The following RYR3 variants were observed in gnomAD, a reference collection of about 807,000 sequenced individuals.
RYR3 encodes the protein brain ryanodine receptor-calcium release channel.
In RYR3, 207 loss-of-function variants were observed where a neutral mutation model predicts 584.3. The observed-to-expected ratio is 0.35, with a 90% CI of 0.32 to 0.40. The LOEUF (loss-of-function observed/expected upper bound fraction) is 0.40, where lower values mean the gene tolerates loss of function less well. Among genes scored for constraint, RYR3 ranks in the 10% least tolerant of loss-of-function variants. The pLI, the probability that RYR3 is intolerant of heterozygous loss-of-function variation, is 1.00. For synonymous variants in RYR3, 2,416 were observed against 2,248.5 expected (o/e 1.07, Z -2.11); for missense variants, 5,616 against 6,089.2 (o/e 0.92, Z 2.59).
intron 38 of RYR3, among the ~76,000 whole-genome samples, chr15:33,677,221 A>G (rs971662090): frequency 6.6e-6 from 1 of 152,158 alleles, no homozygotes; most frequent in African/African-American, 2.4e-5. Context: ...AAAGGGGGCC[A>G]TGGGGATGGA....
intron 27 of RYR3, among the ~76,000 whole-genome samples, chr15:33,643,258 C>A (rs1189356099): frequency 1.3e-5 from 2 of 152,184 alleles, no homozygotes; most frequent in East Asian, 1.9e-4. Flanking sequence ...CCCTTCCAGG[C>A]GCTCTCTGCA....
chr15:33,742,538 A>G, intron 52 of RYR3, 94 bp downstream of exon 52: 3 of 833,028 alleles, frequency 3.6e-6, no homozygotes, highest in Non-Finnish European at 6.1e-6. Context: ...TGATTTGTCT[A>G]AGTAACAGAT....
Position 33,691,263 on chromosome 15 carries a change from A to G in RYR3, c.5861-4955A>G, listed in dbSNP as rs143416384. Among the ~76,000 whole-genome samples the G allele has an allele frequency of 3.8e-3, 582 of 152,310 alleles. 5 individuals carry two copies. Among genetic ancestry groups the G allele is most frequent in the African/African-American group, 0.014 (562 of 41,568 alleles). ...AATGTTTTTGTAATGTCATTCATTG[A>G]TCATTGAGAGATTATTGGTTCGTTG... On this transcript the variant is annotated intron_variant, in intron 38 of 103. Coordinates refer to ENST00000634891, the MANE Select transcript of RYR3 (RefSeq NM_001036.6).
chr15:33,555,241 A>G (rs2056990778), intron 10 of RYR3, among the ~76,000 whole-genome samples: 1 of 152,156 alleles, frequency 6.6e-6, no homozygotes, highest in African/African-American at 2.4e-5. Context: ...AGCTGTGCTC[A>G]TGGTGCACCT....
chr15:33,553,228 A>G (rs529072622), intron 10 of RYR3, among the ~76,000 whole-genome samples: 58 of 152,304 alleles, frequency 3.8e-4, no homozygotes, highest in African/African-American at 1.3e-3. Flanking sequence ...TGGGAAGAGC[A>G]CTGCTGGGGC....
chr15:33,697,673 T>C (rs1344117246), intron 39 of RYR3, among the ~76,000 whole-genome samples: 2 of 152,172 alleles, frequency 1.3e-5, no homozygotes, highest in African/African-American at 2.4e-5. Flanking sequence ...AAAAAGCAAG[T>C]ACTTAGAAAT....
chr15:33,583,910 G>A (rs917459699), intron 14 of RYR3, among the ~76,000 whole-genome samples: 6 of 152,138 alleles, frequency 3.9e-5, no homozygotes, highest in African/African-American at 1.2e-4. Flanking sequence ...AAATTAGCTG[G>A]GTGTGGTGGT....
At chr15:33,547,283 T>C (rs562084356) in intron 8 of RYR3, among the ~76,000 whole-genome samples, 2 of 152,216 alleles carry the variant, frequency 1.3e-5, no homozygotes, top group South Asian at 4.2e-4. Context: ...GCATAGCAGA[T>C]CAGAGGAAAC....
At chr15:33,320,045 C>A (rs778955207) in intron 1 of RYR3, among the ~76,000 whole-genome samples, 3 of 152,164 alleles carry the variant, frequency 2.0e-5, no homozygotes, top group Admixed American at 6.5e-5. Flanking sequence ...ATTCTCAACA[C>A]TGCCAGTCAA....
chr15:33,666,329 A>G (rs1429789201), intron 36 of RYR3, among the ~76,000 whole-genome samples: 3 of 152,072 alleles, frequency 2.0e-5, no homozygotes, highest in Non-Finnish European at 4.4e-5. Context: ...CTAATACGGT[A>G]TGTCTAGGGT....
intron 1 of RYR3, among the ~76,000 whole-genome samples, chr15:33,461,245 A>G (rs532242596): frequency 2.0e-5 from 3 of 152,154 alleles, no homozygotes; most frequent in African/African-American, 4.8e-5. Flanking sequence ...CGCCCGGCCT[A>G]CTAATATCCA....
chr15:33,616,480 G>A (rs1210321423), intron 19 of RYR3, among the ~76,000 whole-genome samples: 1 of 152,162 alleles, frequency 6.6e-6, no homozygotes, highest in Admixed American at 6.5e-5. Context: ...GGGATCTGGT[G>A]TCTAGGTCAG....
rs377471303 is a variant in RYR3, at chr15:33,686,231, G to A, written c.5861-9987G>A. Among the ~76,000 whole-genome samples, 15 of 152,166 alleles carry A rather than the reference G, an allele frequency of 9.9e-5. No individual in the cohort carries two copies. In the South Asian group the frequency reaches 1.7e-3, roughly 17 times the overall value. The stretch of plus-strand genomic sequence containing the variant: ...AATCAAATAGACGCAATAAAAAATC[G>A]TAAAGGGGATGATATCACCACCAAT... On this transcript the variant is annotated intron_variant, in intron 38 of 103. Transcript: ENST00000634891.
At chr15:33,535,194 C>T (rs1407421677) in intron 5 of RYR3, among the ~76,000 whole-genome samples, 1 of 152,154 alleles carries the variant, frequency 6.6e-6, no homozygotes, top group Non-Finnish European at 1.5e-5. Flanking sequence ...TGTTGTTATT[C>T]TAAAGCTAGG....
chr15:33,814,679 A>G lies in RYR3; in HGVS notation c.10502+1100A>G, dbSNP rs140732635. Among the ~76,000 whole-genome samples the G allele has an allele frequency of 1.1e-4, 17 of 152,140 alleles. No homozygotes were observed. In the East Asian group the frequency reaches 3.1e-3, roughly 28 times the overall value. ...TTTGGGAGGCCGAGGCAGGCAGATC[A>G]CTTAAGGTCAGGAGATTGAGACCAG... On this transcript the variant is annotated intron_variant, in intron 74 of 103. Coordinates refer to ENST00000634891, the MANE Select transcript of RYR3 (RefSeq NM_001036.6).
At chr15:33,367,466 CAT>C (rs1371305919) in intron 1 of RYR3, among the ~76,000 whole-genome samples, 1 of 152,170 alleles carries the variant, frequency 6.6e-6, no homozygotes, top group Non-Finnish European at 1.5e-5. Context: ...TTAATGAAAA[CAT>C]GTGAACAACG....
At chr15:33,468,672 A>G (rs1210733946) in intron 1 of RYR3, among the ~76,000 whole-genome samples, 1 of 152,236 alleles carries the variant, frequency 6.6e-6, no homozygotes, top group East Asian at 1.9e-4. Flanking sequence ...CTGCTCTAAT[A>G]GAGTTTATAA....
chr15:33,400,791 G>A (rs550740036), intron 1 of RYR3, among the ~76,000 whole-genome samples: 78 of 152,162 alleles, frequency 5.1e-4, no homozygotes, highest in Non-Finnish European at 6.6e-4. Context: ...TTCCACCAAC[G>A]CATAATCCAA....
chr15:33,479,626 A>G (rs992190591), intron 2 of RYR3, among the ~76,000 whole-genome samples: 4 of 152,184 alleles, frequency 2.6e-5, no homozygotes, highest in African/African-American at 9.7e-5. Context: ...AAGGTGTAAG[A>G]ATTTAAACTG....
Sources: gnomAD v4.1 joint callset for allele counts (sites outside exome capture counted in the v4.1 genomes callset) on GRCh38, gnomAD v4.1.1 for gene constraint, MANE v1.5 for transcripts, NCBI Gene and HGNC (gene_info 2026-07-23, HGNC 2026-07-21) for gene names.